ZNF426: variants seen among roughly 807,000 people sequenced by gnomAD.
ZNF426 encodes the protein CTC-543D15.7.
In ZNF426, 23 loss-of-function variants were observed where a neutral mutation model predicts 24.0. The observed-to-expected ratio is 0.96, with a 90% CI of 0.69 to 1.36. ZNF426 has a LOEUF of 1.36. Among genes scored for constraint, ZNF426 ranks in the 40% most tolerant of loss-of-function variants. The pLI, the probability that ZNF426 is intolerant of heterozygous loss-of-function variation, is 0.00. For missense variants in ZNF426, 646 were observed against 658.4 expected, an observed-to-expected ratio of 0.98 and a Z score of 0.21; for synonymous variants, 272 against 224.6, an observed-to-expected ratio of 1.21 and a Z score of -1.89.
chr19:9,534,873 G>A (rs1243780063), intron 4 of ZNF426, among the ~76,000 whole-genome samples: 1 of 152,090 alleles, frequency 6.6e-6, no homozygotes, highest in East Asian at 1.9e-4. Flanking sequence ...GGGATTATGG[G>A]TGTAAGCCAC....
In ZNF426 at chr19:9,530,990, G is replaced by C; in HGVS notation, c.403C>G (p.Gln135Glu). 1 of 1,611,844 alleles carries C rather than the reference G, an allele frequency of 6.2e-7. No individual in the cohort carries two copies. The highest frequency in any genetic ancestry group is 8.5e-7 in the Non-Finnish European group (1 of 1,177,962). The stretch of plus-strand genomic sequence containing the variant: ...ATATCCTATGCAAATCTTACCAATT[G>C]TATCCCAATGGATGTCTGACCCCTC... The part of the protein sequence containing the change: ...FLRGQTSIGI[Q>E]LEGKHNGREL... Residue 135 changes from glutamine (Q) to glutamate (E), a missense_variant, in exon 7 of 8, where the codon CAA (glutamine) becomes GAA (glutamate). Gln to Glu is a conservative substitution (Grantham distance 29). Transcript: ENST00000253115.
intron 7 of ZNF426, among the ~76,000 whole-genome samples, chr19:9,530,122 A>AAATAATAAT (rs60239218): frequency 6.6e-6 from 1 of 151,564 alleles, no homozygotes; most frequent in Non-Finnish European, 1.5e-5. Context: ...CTCCGTCTCA[A>AAATAATAAT]AATAATAATA....
intron 5 of ZNF426, 149 bp downstream of exon 5, chr19:9,533,691 G>C: frequency 9.3e-7 from 1 of 1,080,736 alleles, no homozygotes; most frequent in Non-Finnish European, 1.3e-6. Flanking sequence ...TTTCAGAATG[G>C]TCACAGTAGA....
At chr19:9,535,121 G>T in intron 4 of ZNF426, 67 bp downstream of exon 4, 5 of 1,136,814 alleles carry the variant, frequency 4.4e-6, no homozygotes, top group Non-Finnish European at 6.3e-6. Context: ...ACTCTGCCTA[G>T]AGGGAAATGT....
intron 2 of ZNF426, among the ~76,000 whole-genome samples, chr19:9,537,265 C>A (rs1029688886): frequency 1.2e-4 from 18 of 151,984 alleles, no homozygotes; most frequent in African/African-American, 4.1e-4. Flanking sequence ...ATCCATGAAC[C>A]AAATTCACAA....
rs2073832480 is a variant in ZNF426 at position 9,528,768 on chromosome 19, C to T, written c.1277G>A (p.Gly426Glu). The T allele has an allele frequency of 1.9e-6, 3 of 1,614,068 alleles. No individual in the cohort carries two copies. The highest frequency in any genetic ancestry group is 1.7e-5 in the Admixed American group (1 of 60,010). ...ACATGAGGGATACCCAAATACTTTC[C>T]CACATATCTTACACTCACAGGCCTT... ...EEKACECKIC[G>E]KVFGYPSCLN... Residue 426 changes from glycine (G) to glutamate (E), a missense_variant, in exon 8 of 8, where the codon GGG becomes GAG. Coordinates refer to ENST00000253115, the MANE Select transcript of ZNF426 (RefSeq NM_024106.3).
At chr19:9,532,417 C>G (rs563569696) in intron 6 of ZNF426, among the ~76,000 whole-genome samples, 41 of 151,280 alleles carry the variant, frequency 2.7e-4, no homozygotes, top group Non-Finnish European at 5.4e-4. Context: ...ACAGCTCAGT[C>G]TCCTGAGTTA....
At chr19:9,535,634 G>A (rs928064347) in intron 3 of ZNF426, among the ~76,000 whole-genome samples, 1 of 151,922 alleles carries the variant, frequency 6.6e-6, no homozygotes, top group Non-Finnish European at 1.5e-5. Context: ...AGACTACCCT[G>A]GACAACACAG....
At position 9,528,841 on chromosome 19, in the gene ZNF426, C is replaced by A; in HGVS notation, c.1204G>T (p.Ala402Ser). 1 of 1,613,418 alleles carries A rather than the reference C, an allele frequency of 6.2e-7. No individual in the cohort carries two copies. Among genetic ancestry groups the A allele is most frequent in the Non-Finnish European group, 8.5e-7 (1 of 1,179,830 alleles). ...TGTCCACTAAGATTTGAGGAAACTG[C>A]AAAGGCTTTCCCACATTCAACACAT... ...FVCVECGKAF[A>S]VSSNLSGHLR... The change falls in exon 8 of 8, where the codon GCA becomes TCA. Residue 402 changes from alanine (A) to serine (S), a missense_variant. By Grantham distance (99) the Ala-to-Ser change is moderately conservative (BLOSUM62 1). Coordinates refer to ENST00000253115, the MANE Select transcript of ZNF426 (RefSeq NM_024106.3).
intron 3 of ZNF426, among the ~76,000 whole-genome samples, chr19:9,535,948 A>G (rs2073958983): frequency 6.6e-6 from 1 of 152,192 alleles, no homozygotes; most frequent in Non-Finnish European, 1.5e-5. Context: ...GAAAAGTACA[A>G]TAGTCTCATT....
At chr19:9,532,712 A>G (rs919115394) in intron 6 of ZNF426, 133 bp downstream of exon 6, 19 of 626,954 alleles carry the variant, frequency 3.0e-5, no homozygotes, top group Non-Finnish European at 5.0e-5. Flanking sequence ...TGGGAAGTTA[A>G]ATATTTCCTA....
rs1191698987 is a variant in ZNF426, at chr19:9,527,582, T to C, written c.*798A>G. On this transcript the variant is annotated 3_prime_UTR_variant, in exon 8 of 8. Transcript: ENST00000253115. Reference sequence around the variant, plus strand: ...CCTGTATGTAGAAAGGACTGAAGACTCAATGAAGGCTCTCCCACGTCTTAC... The same window carrying C: ...CCTGTATGTAGAAAGGACTGAAGACCCAATGAAGGCTCTCCCACGTCTTAC... The C allele has an allele frequency of 6.6e-6, 1 of 152,286 alleles. No homozygotes were observed. Among genetic ancestry groups the C allele is most frequent in the Non-Finnish European group, 1.5e-5 (1 of 68,066 alleles). The allele number at this position is 152,286 out of a possible 1,614,324, so 9.4% of individuals were successfully genotyped here.
rs148686678 is a variant in ZNF426 at position 9,534,974 on chromosome 19, G to C, written c.117+214C>G. Among the ~76,000 whole-genome samples, 890 of 151,388 alleles carry C rather than the reference G, an allele frequency of 5.9e-3. 9 individuals are homozygous for C. Among genetic ancestry groups the C allele is most frequent in the African/African-American group, 0.021 (859 of 41,264 alleles). Reference sequence around the variant, plus strand: ...AAATTCAAATGGGGATTCAGTCCTTGAGTGACACTTTATTTGCTTTAAGAA... The same window carrying C: ...AAATTCAAATGGGGATTCAGTCCTTCAGTGACACTTTATTTGCTTTAAGAA... On this transcript the variant is annotated intron_variant, in intron 4 of 7. Coordinates refer to ENST00000253115, the MANE Select transcript of ZNF426 (RefSeq NM_024106.3).
In ZNF426 at chr19:9,528,953, A is replaced by G. The variant is rs775392519; in HGVS notation, c.1092T>C (p.Tyr364=). ...HVRSHSGDKP[Y]ECKECGKSFL... ...AGGATTTCCCACATTCCTTACATTC[A>G]TAGGGCTTGTCTCCACTGTGAGATC... Residue 364 remains tyrosine, a synonymous_variant, in exon 8 of 8, where the codon TAT becomes TAC. Coordinates refer to ENST00000253115, the MANE Select transcript of ZNF426 (RefSeq NM_024106.3). 6.8e-6 allele frequency: 11 copies of G among 1,613,850 alleles called. No individual in the cohort carries two copies. Among genetic ancestry groups the G allele is most frequent in the South Asian group, 1.1e-5 (1 of 91,080 alleles).
chr19:9,536,281 T>C lies in ZNF426; in HGVS notation c.-49A>G. On this transcript the variant is annotated 5_prime_UTR_variant, in exon 3 of 8. An upstream start codon of the reference 5' UTR is lost. Transcript: ENST00000253115. ...AACCCTCCTTTCATTGATGTCACCA[T>C]CACTTCAGGACACCTCATTAATCTA... The C allele has an allele frequency of 6.2e-7, 1 of 1,614,164 alleles. No homozygotes were observed. The highest frequency in any genetic ancestry group is 8.5e-7 in the Non-Finnish European group (1 of 1,180,008).
rs541197630 is a variant in ZNF426, at chr19:9,527,992, T to G, written c.*388A>C. On this transcript the variant is annotated 3_prime_UTR_variant, in exon 8 of 8. Coordinates refer to ENST00000253115, the MANE Select transcript of ZNF426 (RefSeq NM_024106.3). ...ACTCAATTTAATCAAATAATTTTCTTTTTTTTTTTTTTTTGAGATGGAGTC... is the reference window on the plus strand; with the variant it reads ...ACTCAATTTAATCAAATAATTTTCTGTTTTTTTTTTTTTTGAGATGGAGTC... 294 of 147,480 alleles carry G rather than the reference T, an allele frequency of 2.0e-3. 1 individual carries two copies. The highest frequency in any genetic ancestry group is 3.0e-3 in the Non-Finnish European group (200 of 66,974). The allele number at this position is 147,480 out of a possible 1,614,324, so 9.1% of individuals were successfully genotyped here.
In ZNF426 at chr19:9,528,743, A is replaced by G. The variant is rs929680247; in HGVS notation, c.1302T>C (p.Cys434=). ...TGTGCGTTCGCATGTGATTATTAAGACATGAGGGATACCCAAATACTTTCC... is the reference window on the plus strand; with the variant it reads ...TGTGCGTTCGCATGTGATTATTAAGGCATGAGGGATACCCAAATACTTTCC... ...ICGKVFGYPS[C]LNNHMRTHSA... is the part of the protein sequence containing the mutation. The change falls in exon 8 of 8, where the codon TGT becomes TGC. Residue 434 remains cysteine, a synonymous_variant. Transcript: ENST00000253115. 1 of 1,613,990 alleles carries G rather than the reference A, an allele frequency of 6.2e-7. No homozygotes were observed. Among genetic ancestry groups the G allele is most frequent in the Non-Finnish European group, 8.5e-7 (1 of 1,179,972 alleles).
chr19:9,532,784 A>C (rs1273656776), intron 6 of ZNF426, 61 bp downstream of exon 6: 1 of 1,318,976 alleles, frequency 7.6e-7, no homozygotes, highest in Non-Finnish European at 1.1e-6. Context: ...AAGTTTCCTA[A>C]TTATGCTTTC....
In ZNF426 at chr19:9,526,029, T is replaced by A. The variant is rs2073788640; in HGVS notation, c.*2351A>T. On this transcript the variant is annotated 3_prime_UTR_variant, in exon 8 of 8. Transcript: ENST00000253115. ...TCAGTGACCTGGAGGAAGGGAAATA[T>A]CCAACTCCAGCCAACTCTATACATC... The A allele has an allele frequency of 6.6e-6, 1 of 151,966 alleles. No individual in the cohort carries two copies. The highest frequency in any genetic ancestry group is 6.6e-5 in the Admixed American group (1 of 15,206). 9.4% of individuals were successfully genotyped at this position (151,966 alleles called of 1,614,324 possible).
Sources: allele counts gnomAD v4.1 joint callset (sites outside exome capture counted in the v4.1 genomes callset), GRCh38; gene constraint gnomAD v4.1.1; transcripts MANE v1.5; gene names NCBI Gene and HGNC (gene_info 2026-07-23, HGNC 2026-07-21).